The following CLSTN2 variants were observed in gnomAD, a reference collection of about 807,000 sequenced individuals.
CLSTN2 encodes calsyntenin 2.
CLSTN2 carries 48 observed loss-of-function variants against 101.2 expected under a neutral mutation model. The observed-to-expected ratio is 0.47, with a 90% CI of 0.38 to 0.60. CLSTN2 has a LOEUF of 0.60. Ranked by LOEUF, CLSTN2 falls within the 20% of genes least tolerant of loss-of-function variation. The pLI, the probability that CLSTN2 is intolerant of heterozygous loss-of-function variation, is 0.00. For missense variants in CLSTN2, 1,160 were observed against 1,238.2 expected, an observed-to-expected ratio of 0.94 and a Z score of 0.95; for synonymous variants, 481 against 463.6, an observed-to-expected ratio of 1.04 and a Z score of -0.48.
At chr3:140,316,477 A>G (rs546192245) in intron 2 of CLSTN2, among the ~76,000 whole-genome samples, 3 of 151,968 alleles carry the variant, frequency 2.0e-5, no homozygotes, top group South Asian at 2.1e-4. Flanking sequence ...CAATTATTTC[A>G]TTTCTTTTCC....
chr3:140,047,946 G>A (rs897146072), intron 1 of CLSTN2, among the ~76,000 whole-genome samples: 5 of 152,234 alleles, frequency 3.3e-5, no homozygotes, highest in East Asian at 3.9e-4. Flanking sequence ...ATACGTTAAC[G>A]CTATAAATGG....
intron 1 of CLSTN2, among the ~76,000 whole-genome samples, chr3:140,024,025 G>A (rs1292699820): frequency 1.3e-5 from 2 of 152,176 alleles, no homozygotes; most frequent in African/African-American, 2.4e-5. Flanking sequence ...AGCCTCTGAA[G>A]CCAAACTGCT....
At chr3:140,287,065 T>G (rs1350599659) in intron 2 of CLSTN2, among the ~76,000 whole-genome samples, 1 of 152,148 alleles carries the variant, frequency 6.6e-6, no homozygotes, top group Admixed American at 6.5e-5. Flanking sequence ...TAGAATATAA[T>G]AGTGGCAAAG....
chr3:139,955,683 C>T (rs1203651512), intron 1 of CLSTN2, among the ~76,000 whole-genome samples: 2 of 13,574 alleles, frequency 1.5e-4, no homozygotes, highest in Admixed American at 1.2e-3. Context: ...CTAGGCCCTT[C>T]TCATCTCAGA....
rs115233811 is a variant in CLSTN2 at position 140,253,596 on chromosome 3, G to A, written c.232+77523G>A. On this transcript the variant is annotated intron_variant, in intron 2 of 16. Transcript: ENST00000458420. ...CCAGCCTTTCCTGACACGGAAGAGT[G>A]TACTGATAGAAAACACAGCCAGAAA... is the stretch of plus-strand genomic sequence containing the variant. Among the ~76,000 whole-genome samples the A allele has an allele frequency of 1.3e-3, 198 of 152,210 alleles. 1 individual carries two copies. Among genetic ancestry groups the A allele is most frequent in the African/African-American group, 4.5e-3 (186 of 41,518 alleles).
At chr3:140,516,115 T>G (rs1334460406) in intron 8 of CLSTN2, among the ~76,000 whole-genome samples, 1 of 152,196 alleles carries the variant, frequency 6.6e-6, no homozygotes, top group African/African-American at 2.4e-5. Context: ...TTAACTCTGT[T>G]GCTTTAAAGT....
At chr3:140,435,901 A>G (rs1296202189) in intron 5 of CLSTN2, among the ~76,000 whole-genome samples, 1 of 152,154 alleles carries the variant, frequency 6.6e-6, no homozygotes, top group African/African-American at 2.4e-5. Flanking sequence ...TATTTTGCCT[A>G]TCCTTCGATC....
intron 1 of CLSTN2, among the ~76,000 whole-genome samples, chr3:140,013,197 CT>C (rs754479599): frequency 7.9e-5 from 12 of 152,262 alleles, no homozygotes; most frequent in Non-Finnish European, 4.4e-5. Flanking sequence ...TTATCATGTA[CT>C]TTCTGTACAC....
At chr3:140,552,837 A>C (rs1327108630) in intron 10 of CLSTN2, among the ~76,000 whole-genome samples, 1 of 152,216 alleles carries the variant, frequency 6.6e-6, no homozygotes, top group Non-Finnish European at 1.5e-5. Context: ...GCAACAGCAC[A>C]AGACTCTGCT....
At chr3:140,333,147 AC>A (rs2087403809) in intron 2 of CLSTN2, among the ~76,000 whole-genome samples, 1 of 152,134 alleles carries the variant, frequency 6.6e-6, no homozygotes, top group African/African-American at 2.4e-5. Flanking sequence ...TTTCGGCGTC[AC>A]TTCTCTCTGC....
intron 1 of CLSTN2, among the ~76,000 whole-genome samples, chr3:139,990,325 A>G (rs909456316): frequency 2.0e-5 from 3 of 152,146 alleles, no homozygotes; most frequent in Non-Finnish European, 4.4e-5. Context: ...CGTAGGTGGG[A>G]GCACTCTGTG....
intron 2 of CLSTN2, among the ~76,000 whole-genome samples, chr3:140,217,396 A>G (rs1440844937): frequency 6.6e-6 from 1 of 152,210 alleles, no homozygotes; most frequent in African/African-American, 2.4e-5. Flanking sequence ...CCTGCCCCCA[A>G]GAACTAGCTT....
chr3:140,141,166 G>T (rs978056363), intron 1 of CLSTN2, among the ~76,000 whole-genome samples: 1 of 152,232 alleles, frequency 6.6e-6, no homozygotes, highest in South Asian at 2.1e-4. Context: ...CTCAGTCATG[G>T]TTTTTGTCAC....
chr3:140,575,719 T>A lies in CLSTN2; in HGVS notation c.*9466T>A, dbSNP rs1038994608. 1.2e-4 allele frequency: 9 copies of A among 77,772 alleles called. No homozygotes were observed. Among genetic ancestry groups the A allele is most frequent in the Non-Finnish European group, 4.2e-4 (9 of 21,274 alleles). 4.8% of individuals were successfully genotyped at this position (77,772 alleles called of 1,614,324 possible). ...AATATTGGTAAGGAGGAGAGAATGATTTGGTAGGGGTATTCGAGAAATTTG... is the reference window on the plus strand; with the variant it reads ...AATATTGGTAAGGAGGAGAGAATGAATTGGTAGGGGTATTCGAGAAATTTG... On this transcript the variant is annotated 3_prime_UTR_variant, in exon 17 of 17. Coordinates refer to ENST00000458420, the MANE Select transcript of CLSTN2 (RefSeq NM_022131.3).
chr3:140,535,296 AT>A (rs1935336040), intron 9 of CLSTN2, among the ~76,000 whole-genome samples: 1 of 152,172 alleles, frequency 6.6e-6, no homozygotes, highest in South Asian at 2.1e-4. Context: ...GGTGGGAAAT[AT>A]TATTTGTGGC....
At chr3:140,434,361 G>A (rs2088666808) in intron 5 of CLSTN2, among the ~76,000 whole-genome samples, 1 of 152,138 alleles carries the variant, frequency 6.6e-6, no homozygotes, top group Non-Finnish European at 1.5e-5. Context: ...TGTAGTCCTG[G>A]CCTAACTGAG....
chr3:140,121,256 G>A (rs1248189347), intron 1 of CLSTN2, among the ~76,000 whole-genome samples: 3 of 152,138 alleles, frequency 2.0e-5, no homozygotes, highest in African/African-American at 7.2e-5. Flanking sequence ...TCAGCCCAGA[G>A]TGTACCACGG....
intron 1 of CLSTN2, among the ~76,000 whole-genome samples, chr3:139,939,970 C>G (rs1286969799): frequency 1.3e-5 from 2 of 152,204 alleles, no homozygotes; most frequent in African/African-American, 4.8e-5. Flanking sequence ...GGTCACCTTC[C>G]TCAGCCCAAT....
At chr3:140,415,548 C>T (rs144642213) in intron 4 of CLSTN2, among the ~76,000 whole-genome samples, 186 of 130,306 alleles carry the variant, frequency 1.4e-3, no homozygotes, top group African/African-American at 5.2e-3. Flanking sequence ...CCTGAACGGA[C>T]ATTTTTCCAA....
Sources: allele counts gnomAD v4.1 joint callset (sites outside exome capture counted in the v4.1 genomes callset), GRCh38; gene constraint gnomAD v4.1.1; transcripts MANE v1.5; gene names NCBI Gene and HGNC (gene_info 2026-07-23, HGNC 2026-07-21).